The following MAP2K1 variants were observed in gnomAD, a reference collection of about 807,000 sequenced individuals.
MAP2K1 encodes the protein dual specificity mitogen-activated protein kinase kinase 1.
Under a neutral mutation model 46.3 loss-of-function variants are expected in MAP2K1, and 16 were observed. That is an observed-to-expected ratio of 0.35 (90% confidence interval 0.23 to 0.52). MAP2K1 has a LOEUF of 0.52. MAP2K1 is among the 20% of genes least tolerant of loss of function. The pLI is 0.94. For missense variants in MAP2K1, 263 were observed against 497.1 expected (o/e 0.53, Z 4.48); for synonymous variants, 183 against 185.6 (o/e 0.99, Z 0.11).
At chr15:66,394,383 G>A (rs925098671) in intron 1 of MAP2K1, among the ~76,000 whole-genome samples, 6 of 136,156 alleles carry the variant, frequency 4.4e-5, no homozygotes, top group Admixed American at 4.3e-4. Context: ...AGGAAGAAAG[G>A]TTGAGACAGG....
chr15:66,401,083 C>T (rs2093380662), intron 1 of MAP2K1, among the ~76,000 whole-genome samples: 2 of 152,150 alleles, frequency 1.3e-5, no homozygotes, highest in Non-Finnish European at 2.9e-5. Context: ...ACATAATCCT[C>T]ATCCTTGTCA....
chr15:66,487,587 AAAAAC>A (rs1332452606), intron 8 of MAP2K1, among the ~76,000 whole-genome samples: 24 of 151,906 alleles, frequency 1.6e-4, no homozygotes, highest in South Asian at 2.1e-4. Flanking sequence ...TGACTCTGGG[AAAAAC>A]AAAACAAAAC....
intron 6 of MAP2K1, among the ~76,000 whole-genome samples, chr15:66,483,339 C>T (rs1202125465): frequency 6.6e-6 from 1 of 152,138 alleles, no homozygotes; most frequent in Non-Finnish European, 1.5e-5. Context: ...AACTCTCTTT[C>T]TCTGTCATCT....
At chr15:66,395,806 G>C (rs1327137398) in intron 1 of MAP2K1, among the ~76,000 whole-genome samples, 2 of 152,052 alleles carry the variant, frequency 1.3e-5, no homozygotes, top group Admixed American at 1.3e-4. Context: ...TCGAACCCCT[G>C]ACCTCAGGTG....
chr15:66,410,419 A>C (rs543703098), intron 1 of MAP2K1, among the ~76,000 whole-genome samples: 2 of 151,246 alleles, frequency 1.3e-5, no homozygotes, highest in Admixed American at 6.6e-5. Flanking sequence ...GAAAAAGGGG[A>C]AAAAAGAGAG....
Position 66,481,801 on chromosome 15 carries a change from G to A in MAP2K1, c.615G>A (p.Lys205=), listed in dbSNP as rs775467166. The A allele has an allele frequency of 6.2e-7, 1 of 1,613,776 alleles. No individual in the cohort carries two copies. The highest frequency in any genetic ancestry group is 1.7e-5 in the Admixed American group (1 of 60,026). ...TAGTCAACTCCCGTGGGGAGATCAA[G>A]CTCTGTGACTTTGGGGTCAGCGGGC... is the stretch of plus-strand genomic sequence containing the variant. ...NILVNSRGEI[K]LCDFGVSGQL... Residue 205 remains lysine, a synonymous_variant, in exon 6 of 11, where the codon AAG becomes AAA. Coordinates refer to ENST00000307102, the MANE Select transcript of MAP2K1 (RefSeq NM_002755.4).
At position 66,481,878 on chromosome 15, in the gene MAP2K1, C is replaced by T. The variant is rs1473690179; in HGVS notation, c.692C>T (p.Ser231Leu). ...TTCGTGGGCACAAGGTCCTACATGT[C>T]GGTATGAACAGAAGTTTCCATTGCT... Reference protein sequence around the residue: ...NSFVGTRSYMSPERLQGTHYS... With the variant: ...NSFVGTRSYMLPERLQGTHYS... Residue 231 changes from serine (S) to leucine (L), a missense_variant and splice_region_variant, in exon 6 of 11, where the codon TCG becomes TTG. By Grantham distance (145) the Ser-to-Leu change is moderately radical. Transcript: ENST00000307102. 3 of 1,613,564 alleles carry T rather than the reference C, an allele frequency of 1.9e-6. No individual in the cohort carries two copies. Among genetic ancestry groups the T allele is most frequent in the Non-Finnish European group, 2.5e-6 (3 of 1,179,626 alleles).
chr15:66,396,039 ACT>A, intron 1 of MAP2K1, among the ~76,000 whole-genome samples: 1 of 151,624 alleles, frequency 6.6e-6, no homozygotes, highest in African/African-American at 2.4e-5. Flanking sequence ...GATGAGTCTC[ACT>A]CTGTCCCCAG....
At chr15:66,440,136 T>C (rs2093499871) in intron 3 of MAP2K1, among the ~76,000 whole-genome samples, 1 of 152,070 alleles carries the variant, frequency 6.6e-6, no homozygotes, top group African/African-American at 2.4e-5. Context: ...CTGTTGCCCA[T>C]GCTAGAGTAC....
At chr15:66,440,849 T>C (rs1161786202) in intron 3 of MAP2K1, among the ~76,000 whole-genome samples, 1 of 152,234 alleles carries the variant, frequency 6.6e-6, no homozygotes, top group African/African-American at 2.4e-5. Context: ...CCCTGGGGAA[T>C]CCTGACTGGT....
chr15:66,478,504 A>AT (rs1216213244), intron 5 of MAP2K1, among the ~76,000 whole-genome samples: 17 of 144,704 alleles, frequency 1.2e-4, no homozygotes, highest in South Asian at 2.1e-4. Flanking sequence ...ATATATATAT[A>AT]TATTTTTTTT....
At chr15:66,395,258 C>G (rs1361526107) in intron 1 of MAP2K1, among the ~76,000 whole-genome samples, 1 of 152,046 alleles carries the variant, frequency 6.6e-6, no homozygotes, top group Non-Finnish European at 1.5e-5. Flanking sequence ...ACAATAATAA[C>G]CAATAAAAAA....
At chr15:66,387,536 T>G in intron 1 of MAP2K1, 109 bp downstream of exon 1, 1 of 1,135,918 alleles carries the variant, frequency 8.8e-7, no homozygotes. Context: ...CGTCTGGGGC[T>G]GGCAGGGGGC....
intron 3 of MAP2K1, among the ~76,000 whole-genome samples, chr15:66,438,449 T>C (rs2093494758): frequency 6.6e-6 from 1 of 152,200 alleles, no homozygotes; most frequent in Non-Finnish European, 1.5e-5. Flanking sequence ...TCATTTACAT[T>C]GACCTTTTTT....
chr15:66,428,705 T>G (rs1030401800), intron 1 of MAP2K1, among the ~76,000 whole-genome samples: 1 of 151,332 alleles, frequency 6.6e-6, no homozygotes, highest in Non-Finnish European at 1.5e-5. Flanking sequence ...TACTTCCCCC[T>G]GAAGGGTAAT....
intron 1 of MAP2K1, among the ~76,000 whole-genome samples, chr15:66,404,398 A>G (rs985192509): frequency 6.6e-6 from 1 of 152,200 alleles, no homozygotes; most frequent in Non-Finnish European, 1.5e-5. Context: ...TATTGGGCTA[A>G]GCTCTTAACA....
At chr15:66,490,392 T>G in intron 10 of MAP2K1, 110 bp from the exon 11 acceptor site, 1 of 849,532 alleles carries the variant, frequency 1.2e-6, no homozygotes, top group South Asian at 1.3e-5. Context: ...AGGTGCTCTT[T>G]CCAAGTGCAG....
chr15:66,429,467 A>G lies in MAP2K1; in HGVS notation c.81-5560A>G, dbSNP rs1370008885. 3.3e-5 allele frequency among the ~76,000 whole-genome samples: 5 copies of G among 152,214 alleles called. No individual in the cohort carries two copies. In the East Asian group the frequency reaches 9.6e-4, roughly 29 times the overall value. On this transcript the variant is annotated intron_variant, in intron 1 of 10. Coordinates refer to ENST00000307102, the MANE Select transcript of MAP2K1 (RefSeq NM_002755.4). ...GGGTGGGAACGCAGAGCCAAACCAT[A>G]TCATATAGTACATACTCTTTTCGTG... is the stretch of plus-strand genomic sequence containing the variant.
At chr15:66,475,156 C>G (rs1892726789) in intron 5 of MAP2K1, among the ~76,000 whole-genome samples, 7 of 152,110 alleles carry the variant, frequency 4.6e-5, no homozygotes, top group Admixed American at 4.6e-4. Flanking sequence ...ATCTCTGCTA[C>G]TTAATTAGCT....
Sources: gnomAD v4.1 joint callset for allele counts (sites outside exome capture counted in the v4.1 genomes callset) on GRCh38, gnomAD v4.1.1 for gene constraint, MANE v1.5 for transcripts, NCBI Gene and HGNC (gene_info 2026-07-23, HGNC 2026-07-21) for gene names.